KDM5A: variants seen among roughly 807,000 people sequenced by gnomAD.
The protein encoded by KDM5A is lysine demethylase 5A.
Under a neutral mutation model 193.5 loss-of-function variants are expected in KDM5A, and 42 were observed. That is an observed-to-expected ratio of 0.22 (90% CI 0.17 to 0.28). The LOEUF (loss-of-function observed/expected upper bound fraction) is 0.28. KDM5A is among the 10% of genes least tolerant of loss of function. KDM5A has a pLI of 1.00. For synonymous variants in KDM5A, 796 were observed against 718.1 expected (o/e 1.11, Z -1.73); for missense variants, 1,692 against 2,055.1 (o/e 0.82, Z 3.42).
intron 2 of KDM5A, among the ~76,000 whole-genome samples, chr12:385,110 G>A (rs1471811318): frequency 6.6e-6 from 1 of 151,202 alleles, no homozygotes; most frequent in East Asian, 1.9e-4. Flanking sequence ...TTGAACCCGG[G>A]AGGTAGAGGT....
Position 292,842 on chromosome 12 carries a change from A to G in KDM5A, c.4783T>C (p.Tyr1595His), listed in dbSNP as rs1490257135. The change falls in exon 27 of 28, where the codon TAT (tyrosine) becomes CAT (histidine). Residue 1595 changes from tyrosine to histidine, a missense_variant. Physicochemically the swap from Tyr to His is moderately conservative, Grantham distance 83 (BLOSUM62 2). Around this residue, in one of 11 missense-constraint regions of KDM5A, gnomAD observed 965 missense variants for 1,061.0 expected, o/e 0.91. Coordinates refer to ENST00000399788, the MANE Select transcript of KDM5A (RefSeq NM_001042603.3). ...EKKVLDIPSK[Y>H]DWSGAEESDD... is the part of the protein sequence containing the mutation. ...GACTCCTCTGCTCCTGACCAGTCAT[A>G]CTTTGAGGGGATGTCCAGCACCTTT... 2 of 1,614,204 alleles carry G rather than the reference A, an allele frequency of 1.2e-6. No homozygotes were observed. The highest frequency in any genetic ancestry group is 3.3e-5 in the Admixed American group (2 of 60,018).
At chr12:309,767 C>T (rs749636937) in intron 22 of KDM5A, 36 bp downstream of exon 22, 3 of 1,608,132 alleles carry the variant, frequency 1.9e-6, no homozygotes, top group Non-Finnish European at 2.6e-6. Context: ...GTTTTGTATT[C>T]ACCAAGCAAA....
intron 10 of KDM5A, among the ~76,000 whole-genome samples, chr12:341,086 TG>T (rs577426280): frequency 2.2e-4 from 33 of 152,364 alleles, no homozygotes; most frequent in African/African-American, 7.9e-4. Context: ...AAAAATTCTG[TG>T]ATCTGTAAAA....
Position 309,870 on chromosome 12 carries a change from T to C in KDM5A, c.3311A>G (p.Asp1104Gly), listed in dbSNP as rs201344078. The C allele has an allele frequency of 8.8e-4, 1,413 of 1,613,952 alleles. 22 individuals are homozygous for C. In the South Asian group the frequency reaches 0.011, roughly 13 times the overall value. ...ATCACTCAGAGGCTCCAGGTCCAGA[T>C]CCTTTTCTTTTTCTTTTTCTATTAG... ...KELIEKEKEKDLDLEPLSDLE... is the reference protein window; with the variant it reads ...KELIEKEKEKGLDLEPLSDLE... Residue 1104 changes from aspartate to glycine, a missense_variant, in exon 22 of 28, where the codon GAT becomes GGT. Physicochemically the swap from Asp to Gly is moderately conservative, Grantham distance 94 (BLOSUM62 -1). This residue lies in a region of KDM5A where 965 missense variants were observed against 1,061.0 expected (regional missense o/e 0.91). Transcript: ENST00000399788.
chr12:333,905 G>A (rs560055799), intron 11 of KDM5A, among the ~76,000 whole-genome samples: 6 of 152,250 alleles, frequency 3.9e-5, no homozygotes, highest in African/African-American at 1.4e-4. Flanking sequence ...CTGTAAGGCG[G>A]ATCAGTGAAA....
intron 3 of KDM5A, among the ~76,000 whole-genome samples, chr12:372,390 GCT>G (rs1299599065): frequency 6.6e-6 from 1 of 151,528 alleles, no homozygotes; most frequent in East Asian, 1.9e-4. Flanking sequence ...TCATGATTTG[GCT>G]CTCTGTTATT....
Position 388,923 on chromosome 12 carries a change from G to A in KDM5A, c.165+4C>T. On this transcript the variant is annotated splice_donor_region_variant and intron_variant, in intron 1 of 27. Transcript: ENST00000399788. The stretch of plus-strand genomic sequence containing the variant: ...TCCCCCTCTCTCTTCACAGACTGAG[G>A]TACCTTGGGCGGCCGAATTTTGCAG... 3.1e-6 allele frequency: 5 copies of A among 1,614,152 alleles called. No homozygotes were observed. The highest frequency in any genetic ancestry group is 4.2e-6 in the Non-Finnish European group (5 of 1,180,010).
At chr12:388,214 T>C (rs1944670395) in intron 1 of KDM5A, 1 of 451,262 alleles carries the variant, frequency 2.2e-6, no homozygotes, top group South Asian at 1.6e-5. Flanking sequence ...ACACAAGGGA[T>C]AGTATCTGTT....
intron 10 of KDM5A, among the ~76,000 whole-genome samples, chr12:343,324 G>A (rs1944030912): frequency 6.6e-6 from 1 of 152,198 alleles, no homozygotes; most frequent in Admixed American, 6.5e-5. Flanking sequence ...ACTGCCTCTA[G>A]ACTCCACCTC....
chr12:296,882 T>G (rs775753480), intron 25 of KDM5A, among the ~76,000 whole-genome samples, 159 bp downstream of exon 25: 5 of 152,226 alleles, frequency 3.3e-5, no homozygotes, highest in Non-Finnish European at 7.3e-5. Context: ...AAACAGGGAT[T>G]GGCTTTTCCA....
At chr12:361,340 G>A (rs1944292826) in intron 5 of KDM5A, among the ~76,000 whole-genome samples, 1 of 151,920 alleles carries the variant, frequency 6.6e-6, no homozygotes, top group Non-Finnish European at 1.5e-5. Context: ...GACTACAGGT[G>A]CCCACCACCA....
At position 334,280 on chromosome 12, in the gene KDM5A, A is replaced by G. The variant is rs747173426; in HGVS notation, c.1451T>C (p.Ile484Thr). Residue 484 changes from isoleucine to threonine, a missense_variant, in exon 11 of 28, where the codon ATT (isoleucine) becomes ACT (threonine). Physicochemically the swap from Ile to Thr is moderately conservative, Grantham distance 89. This residue lies in a region of KDM5A where 172 missense variants were observed against 260.3 expected (regional missense o/e 0.66). Coordinates refer to ENST00000399788, the MANE Select transcript of KDM5A (RefSeq NM_001042603.3). ...GMCFSSFCWH[I>T]EDHWSYSINY... ...GATGGAATAACTCCAGTGATCCTCA[A>G]TGTGCCAGCAAAAAGAAGAGAAGCA... The G allele has an allele frequency of 6.2e-7, 1 of 1,614,196 alleles. No individual in the cohort carries two copies. Among genetic ancestry groups the G allele is most frequent in the Non-Finnish European group, 8.5e-7 (1 of 1,180,014 alleles).
At chr12:352,180 C>T (rs1248877984) in intron 9 of KDM5A, 25 bp downstream of exon 9, 1 of 1,604,584 alleles carries the variant, frequency 6.2e-7, no homozygotes, top group Admixed American at 1.7e-5. Context: ...CCTCCCCGGA[C>T]CGACCTAAAA....
At chr12:298,166 G>A (rs983983034) in intron 24 of KDM5A, among the ~76,000 whole-genome samples, 2 of 152,176 alleles carry the variant, frequency 1.3e-5, no homozygotes, top group African/African-American at 2.4e-5. Flanking sequence ...AGAGAGCAGC[G>A]GATCTCCCAG....
chr12:357,398 G>A (rs1436469779), intron 5 of KDM5A, among the ~76,000 whole-genome samples: 2 of 151,600 alleles, frequency 1.3e-5, no homozygotes, highest in Non-Finnish European at 2.9e-5. Context: ...CTACCCAGGA[G>A]ACTGAGGCAG....
intron 3 of KDM5A, among the ~76,000 whole-genome samples, chr12:368,167 T>G (rs1050615456): frequency 1.3e-5 from 2 of 152,194 alleles, no homozygotes; most frequent in Non-Finnish European, 2.9e-5. Context: ...GACAAAATGA[T>G]GACTACTGCA....
intron 27 of KDM5A, among the ~76,000 whole-genome samples, chr12:290,772 G>A (rs1403124451): frequency 6.6e-6 from 1 of 152,064 alleles, no homozygotes; most frequent in Non-Finnish European, 1.5e-5. Flanking sequence ...CAGGAATAAT[G>A]GATGAACTGA....
At chr12:371,224 T>C (rs1013256215) in intron 3 of KDM5A, among the ~76,000 whole-genome samples, 2 of 152,236 alleles carry the variant, frequency 1.3e-5, no homozygotes, top group Non-Finnish European at 2.9e-5. Flanking sequence ...TAGTTTATAG[T>C]CCCACTAACA....
At chr12:326,593 G>A (rs908759482) in intron 14 of KDM5A, among the ~76,000 whole-genome samples, 1 of 152,218 alleles carries the variant, frequency 6.6e-6, no homozygotes, top group South Asian at 2.1e-4. Context: ...CGGGCACGGC[G>A]GCTCACGCCT....
Sources: allele counts gnomAD v4.1 joint callset (sites outside exome capture counted in the v4.1 genomes callset), GRCh38; gene constraint gnomAD v4.1.1; regional missense constraint gnomAD v4.1.1; transcripts MANE v1.5; gene names NCBI Gene and HGNC (gene_info 2026-07-23, HGNC 2026-07-21).